GRM7: variants seen among roughly 807,000 people sequenced by gnomAD.
The protein encoded by GRM7 is metabotropic glutamate receptor 7.
Under a neutral mutation model 84.5 loss-of-function variants are expected in GRM7, and 35 were observed. The observed-to-expected ratio is 0.41, with a 90% CI of 0.32 to 0.55. GRM7 has a LOEUF of 0.55. GRM7 is among the 20% of genes least tolerant of loss of function. GRM7 has a pLI of 0.19. For synonymous variants in GRM7, 487 were observed against 455.1 expected (o/e 1.07, Z -0.89); for missense variants, 1,003 against 1,194.6 (o/e 0.84, Z 2.36).
intron 8 of GRM7, among the ~76,000 whole-genome samples, chr3:7,583,815 C>A (rs902847946): frequency 6.6e-6 from 1 of 152,164 alleles, no homozygotes; most frequent in Non-Finnish European, 1.5e-5. Context: ...TTAAAATTTT[C>A]TCATGGTCTT....
intron 1 of GRM7, among the ~76,000 whole-genome samples, chr3:7,002,344 C>G (rs1695041741): frequency 6.6e-6 from 1 of 152,140 alleles, no homozygotes. Context: ...CGTAGGGCTT[C>G]TCTACTAGAA....
intron 2 of GRM7, among the ~76,000 whole-genome samples, chr3:7,273,331 C>G (rs1698937516): frequency 6.6e-6 from 1 of 152,062 alleles, no homozygotes; most frequent in Non-Finnish European, 1.5e-5. Flanking sequence ...CATTTTGCTA[C>G]TAACGAATAA....
intron 2 of GRM7, among the ~76,000 whole-genome samples, chr3:7,185,380 T>C (rs376532788): frequency 5.7e-4 from 87 of 152,158 alleles, no homozygotes; most frequent in African/African-American, 2.1e-3. Flanking sequence ...GAAGTTCTTG[T>C]GCTCCTATTG....
At chr3:7,422,994 G>A (rs1696458738) in intron 5 of GRM7, among the ~76,000 whole-genome samples, 1 of 152,094 alleles carries the variant, frequency 6.6e-6, no homozygotes, top group South Asian at 2.1e-4. Flanking sequence ...CCCAAATCTT[G>A]ACCAGATGCC....
intron 4 of GRM7, among the ~76,000 whole-genome samples, chr3:7,403,817 G>A (rs1303199163): frequency 6.6e-6 from 1 of 150,994 alleles, no homozygotes; most frequent in East Asian, 1.9e-4. Context: ...AAGAATATGT[G>A]TGTGTGGATG....
At chr3:7,716,355 A>G (rs1354407) in intron 9 of GRM7, among the ~76,000 whole-genome samples, 63,566 of 152,032 alleles carry the variant, frequency 0.42, 13,803 homozygotes, top group East Asian at 0.74. Context: ...TAGTGCCCTC[A>G]TTTCCCTTTC....
intron 2 of GRM7, among the ~76,000 whole-genome samples, chr3:7,147,034 A>G (rs1454553769): frequency 6.6e-6 from 1 of 152,178 alleles, no homozygotes; most frequent in African/African-American, 2.4e-5. Context: ...TCCAAAATGG[A>G]GAGAATAATT....
chr3:6,924,399 T>C (rs1482699477), intron 1 of GRM7, among the ~76,000 whole-genome samples: 1 of 152,186 alleles, frequency 6.6e-6, no homozygotes, highest in African/African-American at 2.4e-5. Flanking sequence ...ACTTTGGCTA[T>C]AGATGGAGAA....
intron 1 of GRM7, among the ~76,000 whole-genome samples, chr3:6,892,005 T>A (rs996106346): frequency 1.9e-4 from 29 of 152,212 alleles, no homozygotes; most frequent in Admixed American, 2.0e-4. Flanking sequence ...ACTGATACCC[T>A]TTCTTCCAGT....
intron 1 of GRM7, among the ~76,000 whole-genome samples, chr3:6,939,638 G>T (rs1408045150): frequency 6.6e-6 from 1 of 152,142 alleles, no homozygotes; most frequent in Non-Finnish European, 1.5e-5. Context: ...GGCAATTAAT[G>T]CATAAAACAC....
chr3:6,934,573 G>T (rs984011972), intron 1 of GRM7, among the ~76,000 whole-genome samples: 1 of 152,128 alleles, frequency 6.6e-6, no homozygotes, highest in Non-Finnish European at 1.5e-5. Context: ...CTATAGGAGG[G>T]TATAACTGCA....
intron 1 of GRM7, among the ~76,000 whole-genome samples, chr3:7,085,122 C>T (rs1465856576): frequency 6.6e-6 from 1 of 152,094 alleles, no homozygotes; most frequent in East Asian, 1.9e-4. Context: ...GCAGTGGTAC[C>T]AAGGATCCTA....
intron 9 of GRM7, among the ~76,000 whole-genome samples, chr3:7,699,807 C>T (rs940931147): frequency 7.9e-5 from 12 of 152,094 alleles, no homozygotes; most frequent in Non-Finnish European, 1.2e-4. Context: ...AAAAAAATAA[C>T]CTGATTGCCT....
chr3:7,247,115 A>G (rs1302778737), intron 2 of GRM7, among the ~76,000 whole-genome samples: 1 of 152,180 alleles, frequency 6.6e-6, no homozygotes, highest in Non-Finnish European at 1.5e-5. Flanking sequence ...ATTTAAAAAA[A>G]TAAATCTTAA....
chr3:7,452,575 TG>T, intron 5 of GRM7, 31 bp from the exon 6 acceptor site: 1 of 1,309,184 alleles, frequency 7.6e-7, no homozygotes, highest in Non-Finnish European at 1.1e-6. Flanking sequence ...TGTGTGTGTG[TG>T]TGTGTGTGTG....
intron 5 of GRM7, among the ~76,000 whole-genome samples, chr3:7,424,760 C>G (rs1455084363): frequency 2.0e-5 from 3 of 152,116 alleles, no homozygotes; most frequent in Non-Finnish European, 2.9e-5. Context: ...AGCTTTTATT[C>G]CAGTACAGGA....
At position 6,871,419 on chromosome 3, in the gene GRM7, A is replaced by G. The variant is rs183373824; in HGVS notation, c.519+9512A>G. 3.2e-3 allele frequency among the ~76,000 whole-genome samples: 489 copies of G among 152,012 alleles called. 2 individuals carry two copies. Among genetic ancestry groups the G allele is most frequent in the African/African-American group, 0.011 (465 of 41,504 alleles). ...TACGCATGATGAAATTTAGGTAGTT[A>G]CCCAGGTGTTTAAGAAAAAAATAAG... is the stretch of plus-strand genomic sequence containing the variant. On this transcript the variant is annotated intron_variant, in intron 1 of 9. Coordinates refer to ENST00000357716, the MANE Select transcript of GRM7 (RefSeq NM_000844.4).
rs74842570 is a variant in GRM7 at position 7,242,708 on chromosome 3, G to A, written c.737-55976G>A. ...ATCACAAACCACCCAGATTTCAGACGAAGAGACGTAGTCCATTTTAAGATT... is the reference window on the plus strand; with the variant it reads ...ATCACAAACCACCCAGATTTCAGACAAAGAGACGTAGTCCATTTTAAGATT... On this transcript the variant is annotated intron_variant, in intron 2 of 9. Coordinates refer to ENST00000357716, the MANE Select transcript of GRM7 (RefSeq NM_000844.4). Among the ~76,000 whole-genome samples, 722 of 152,204 alleles carry A rather than the reference G, an allele frequency of 4.7e-3. 4 individuals carry two copies. The highest frequency in any genetic ancestry group is 0.017 in the African/African-American group (689 of 41,542).
At chr3:6,866,933 T>A (rs894976517) in intron 1 of GRM7, among the ~76,000 whole-genome samples, 2 of 152,172 alleles carry the variant, frequency 1.3e-5, no homozygotes, top group Admixed American at 1.3e-4. Flanking sequence ...CTCTCTGGAA[T>A]TTTTAAGCTA....
Sources: allele counts gnomAD v4.1 joint callset (sites outside exome capture counted in the v4.1 genomes callset), GRCh38; gene constraint gnomAD v4.1.1; transcripts MANE v1.5; gene names NCBI Gene and HGNC (gene_info 2026-07-23, HGNC 2026-07-21).